The following SIK3 variants were observed in gnomAD, a reference collection of about 807,000 sequenced individuals.
SIK3 encodes the protein serine/threonine-protein kinase SIK3.
A neutral mutation model predicts 144.2 loss-of-function variants in SIK3; 28 were observed. The ratio of observed to expected loss-of-function variants is 0.19; its 90% CI spans 0.14 to 0.27. The LOEUF is 0.27. Among genes scored for constraint, SIK3 ranks in the 10% least tolerant of loss-of-function variants. The pLI is 1.00. For synonymous variants in SIK3, 686 were observed against 676.3 expected, an observed-to-expected ratio of 1.01 and a Z score of -0.22; for missense variants, 1,319 against 1,776.0, an observed-to-expected ratio of 0.74 and a Z score of 4.62.
At chr11:117,052,279 A>T (rs923706623) in intron 1 of SIK3, among the ~76,000 whole-genome samples, 5 of 152,204 alleles carry the variant, frequency 3.3e-5, no homozygotes, top group African/African-American at 1.2e-4. Flanking sequence ...TTTATAATGC[A>T]TGAGAAAAGT....
chr11:117,024,549 A>T (rs1222850127), intron 1 of SIK3, among the ~76,000 whole-genome samples: 1 of 152,328 alleles, frequency 6.6e-6, no homozygotes, highest in South Asian at 2.1e-4. Flanking sequence ...TTCATCAGGT[A>T]ACACCACCAA....
intron 1 of SIK3, among the ~76,000 whole-genome samples, chr11:117,085,760 G>A (rs1284128272): frequency 2.0e-5 from 3 of 152,080 alleles, no homozygotes; most frequent in Admixed American, 2.0e-4. Flanking sequence ...CGAAGCAGGC[G>A]AACTGCCTGA....
chr11:116,964,494 A>C (rs1457612197), intron 1 of SIK3, among the ~76,000 whole-genome samples: 1 of 152,180 alleles, frequency 6.6e-6, no homozygotes, highest in African/African-American at 2.4e-5. Flanking sequence ...ATGCTAGCCA[A>C]CTCGAGACAC....
chr11:116,927,531 G>A (rs2135133339), intron 3 of SIK3, 151 bp from the exon 4 acceptor site: 1 of 647,314 alleles, frequency 1.5e-6, no homozygotes, highest in East Asian at 2.7e-5. Flanking sequence ...GTCCTGGTTT[G>A]CATCTATCAA....
intron 4 of SIK3, among the ~76,000 whole-genome samples, chr11:116,920,476 C>T (rs1049239367): frequency 3.3e-5 from 5 of 152,168 alleles, no homozygotes; most frequent in African/African-American, 9.7e-5. Flanking sequence ...CCATGTTACT[C>T]GAGTTTATCT....
At chr11:117,023,621 A>AAAAAAAAAATAT (rs754624841) in intron 1 of SIK3, among the ~76,000 whole-genome samples, 5 of 95,414 alleles carry the variant, frequency 5.2e-5, no homozygotes, top group African/African-American at 2.2e-4. Flanking sequence ...AAAAAAAAAA[A>AAAAAAAAAATAT]ATATATATAT....
intron 4 of SIK3, among the ~76,000 whole-genome samples, chr11:116,903,269 A>C (rs2134853409): frequency 6.6e-6 from 1 of 152,302 alleles, no homozygotes; most frequent in African/African-American, 2.4e-5. Context: ...TGCACATTTT[A>C]AGAGGACTGG....
rs144283615 is a variant in SIK3, at chr11:117,071,934, T to TTGTC, written c.273+26208_273+26209insGACA. Among the ~76,000 whole-genome samples the TTGTC allele has an allele frequency of 5.3e-5, 8 of 150,850 alleles. No individual in the cohort carries two copies. The East Asian group carries it at 1.2e-3, about 22-fold the overall frequency. ...ACACCCAGCCAAGAGTTGTGTTTGT[T>TTGTC]TGTTTGTTTTAATGAAAGATTAAAT... is the stretch of plus-strand genomic sequence containing the variant. On this transcript the variant is annotated intron_variant, in intron 1 of 24. Transcript: ENST00000445177.
intron 1 of SIK3, among the ~76,000 whole-genome samples, chr11:116,991,263 A>G (rs185224443): frequency 2.4e-4 from 37 of 152,360 alleles, no homozygotes; most frequent in African/African-American, 8.4e-4. Context: ...GCTGGCCAAC[A>G]TGGCAAAACC....
At chr11:116,956,862 T>C (rs1353748455) in intron 2 of SIK3, 86 bp downstream of exon 2, 3 of 755,670 alleles carry the variant, frequency 4.0e-6, no homozygotes, top group Non-Finnish European at 6.1e-6. Flanking sequence ...TCACAGATGT[T>C]CACCCACCCA....
chr11:117,013,719 C>T (rs1591535523), intron 1 of SIK3, among the ~76,000 whole-genome samples: 1 of 151,456 alleles, frequency 6.6e-6, no homozygotes, highest in Non-Finnish European at 1.5e-5. Context: ...GCTTCCAGTG[C>T]TATCTACTCA....
At chr11:117,091,200 C>CTTTTT (rs386375011) in intron 1 of SIK3, among the ~76,000 whole-genome samples, 30 of 92,996 alleles carry the variant, frequency 3.2e-4, no homozygotes, top group Non-Finnish European at 4.9e-4. Flanking sequence ...TTTTTTTTTT[C>CTTTTT]TTTTTTTTTT....
chr11:117,086,570 A>C (rs1276168017), intron 1 of SIK3, among the ~76,000 whole-genome samples: 1 of 152,002 alleles, frequency 6.6e-6, no homozygotes, highest in Non-Finnish European at 1.5e-5. Context: ...GGGCGCCCGT[A>C]GTCCCAGCTA....
intron 1 of SIK3, among the ~76,000 whole-genome samples, chr11:117,096,510 G>A (rs557443845): frequency 7.2e-5 from 11 of 152,194 alleles, no homozygotes; most frequent in Non-Finnish European, 1.6e-4. Flanking sequence ...TGGCAAGTGA[G>A]GAGCACACCA....
chr11:116,908,307 T>G (rs949424757), intron 4 of SIK3, among the ~76,000 whole-genome samples: 2 of 152,038 alleles, frequency 1.3e-5, no homozygotes, highest in Non-Finnish European at 2.9e-5. Context: ...GGAGACCTCG[T>G]CTTCACAAAA....
At chr11:116,970,815 A>C (rs1485778382) in intron 1 of SIK3, among the ~76,000 whole-genome samples, 1 of 151,308 alleles carries the variant, frequency 6.6e-6, no homozygotes, top group Admixed American at 6.6e-5. Flanking sequence ...ATGCCCAGCT[A>C]AATTAATTTT....
At chr11:117,073,311 A>T (rs572503524) in intron 1 of SIK3, among the ~76,000 whole-genome samples, 1 of 152,270 alleles carries the variant, frequency 6.6e-6, no homozygotes, top group South Asian at 2.1e-4. Context: ...TCCATAACAG[A>T]CAAGTTGTCT....
intron 4 of SIK3, among the ~76,000 whole-genome samples, chr11:116,906,578 GAAGA>G (rs1946051863): frequency 6.6e-6 from 1 of 152,108 alleles, no homozygotes; most frequent in South Asian, 2.1e-4. Flanking sequence ...GCGGCTAAAG[GAAGA>G]AAGTCAGGAA....
At chr11:117,035,577 A>T (rs1952457775) in intron 1 of SIK3, among the ~76,000 whole-genome samples, 1 of 152,150 alleles carries the variant, frequency 6.6e-6, no homozygotes, top group South Asian at 2.1e-4. Flanking sequence ...AACTACCTAC[A>T]TTATAGGGCT....
Sources: allele counts gnomAD v4.1 joint callset (sites outside exome capture counted in the v4.1 genomes callset), GRCh38; gene constraint gnomAD v4.1.1; transcripts MANE v1.5; gene names NCBI Gene and HGNC (gene_info 2026-07-23, HGNC 2026-07-21).